GK: variants seen among roughly 807,000 people sequenced by gnomAD.
GK encodes the protein glycerol kinase, also known as ATP:glycerol 3-phosphotransferase.
Under a neutral mutation model 56.4 loss-of-function variants are expected in GK, and 9 were observed. The ratio of observed to expected loss-of-function variants is 0.16; its 90% confidence interval spans 0.10 to 0.28. The LOEUF (loss-of-function observed/expected upper bound fraction) is 0.28, where lower values mean the gene tolerates loss of function less well. Ranked by LOEUF, GK falls within the 10% of genes least tolerant of loss-of-function variation. The pLI is 1.00. For synonymous variants in GK, 104 were observed against 144.1 expected (o/e 0.72, Z 1.99); for missense variants, 161 against 431.4 (o/e 0.37, Z 5.55).
intron 8 of GK, 119 bp downstream of exon 8, chrX:30,696,802 C>T (rs1222119553): frequency 3.6e-6 from 2 of 557,763 alleles, no homozygotes; most frequent in African/African-American, 4.6e-5. Context: ...ATTCAAAAGT[C>T]AACTGTGTTA....
chrX:30,680,196 A>G (rs1456697812), intron 4 of GK, among the ~76,000 whole-genome samples: 1 of 111,852 alleles, frequency 8.9e-6, no homozygotes, highest in Non-Finnish European at 1.9e-5. Flanking sequence ...TAGCAGCGAT[A>G]ATAATACTCA....
intron 4 of GK, among the ~76,000 whole-genome samples, chrX:30,679,637 A>C (rs1328576295): frequency 9.0e-6 from 1 of 111,473 alleles, no homozygotes; most frequent in East Asian, 2.8e-4. Context: ...TGATGTTCTT[A>C]TTTACTTATT....
rs752900168 is a variant in GK, at chrX:30,675,519, C to CT, written c.260-1839dup. ...GCCACAGAAAATGATTTTTATTCTT[C>CT]TTTTTTTTTTTTTTTTTGAGACAGG... On this transcript the variant is annotated intron_variant, in intron 3 of 20. Transcript: ENST00000427190. 9.9e-3 allele frequency among the ~76,000 whole-genome samples: 896 copies of CT among 90,173 alleles called. 14 individuals are homozygous for CT. Among genetic ancestry groups the CT allele is most frequent in the African/African-American group, 0.03 (731 of 24,595 alleles). The allele number at this position is 90,173 out of a possible 115,157, so 78.3% of individuals were successfully genotyped here. A position where few individuals can be genotyped will look rare whatever the true frequency, so the allele number is the denominator to read the frequency against.
At chrX:30,669,793 TA>T (rs776763208) in intron 3 of GK, among the ~76,000 whole-genome samples, 3 of 109,545 alleles carry the variant, frequency 2.7e-5, no homozygotes, top group African/African-American at 9.9e-5. Context: ...AAAACTCACT[TA>T]AAAAAAAAGA....
chrX:30,723,168 G>A (rs1029328771), intron 18 of GK, among the ~76,000 whole-genome samples: 17 of 111,385 alleles, frequency 1.5e-4, no homozygotes, highest in Non-Finnish European at 2.3e-4. Context: ...AGCCGAGGCG[G>A]GCGGATCACG....
At chrX:30,724,204 T>C in intron 19 of GK, 23 bp downstream of exon 19, 1 of 944,949 alleles carries the variant, frequency 1.1e-6, no homozygotes, top group South Asian at 2.0e-5. Flanking sequence ...TTGTTTATTA[T>C]TGTCACATTT....
At chrX:30,720,825 G>T (rs1936860201) in intron 17 of GK, 27 bp from the exon 18 acceptor site, 1 of 1,210,794 alleles carries the variant, frequency 8.3e-7, no homozygotes, top group Non-Finnish European at 1.1e-6. Flanking sequence ...TAACCACAAA[G>T]ATATTGATGG....
intron 8 of GK, 86 bp from the exon 9 acceptor site, chrX:30,697,646 A>G: frequency 1.5e-6 from 1 of 685,965 alleles, no homozygotes; most frequent in East Asian, 3.2e-5. Flanking sequence ...GGATGGTTAG[A>G]AAAAAAAACG....
intron 1 of GK, among the ~76,000 whole-genome samples, chrX:30,657,133 G>A (rs1932356238): frequency 8.9e-6 from 1 of 112,921 alleles, no homozygotes; most frequent in South Asian, 3.6e-4. Flanking sequence ...ACAGGCGTCA[G>A]CCACCGTGCC....
At chrX:30,721,131 C>A in intron 18 of GK, 136 bp downstream of exon 18, 1 of 615,334 alleles carries the variant, frequency 1.6e-6, no homozygotes. Flanking sequence ...ATTCGGCTGC[C>A]AAGCATATTG....
At chrX:30,669,193 T>C (rs1327383470) in intron 3 of GK, among the ~76,000 whole-genome samples, 4 of 107,261 alleles carry the variant, frequency 3.7e-5, no homozygotes, top group Non-Finnish European at 5.8e-5. Context: ...GTTTTTTTTT[T>C]TTTTTTGAGA....
intron 4 of GK, chrX:30,677,971 T>C (rs1569150500): frequency 5.5e-6 from 3 of 544,796 alleles, no homozygotes; most frequent in African/African-American, 4.5e-5. Flanking sequence ...GAATTAACTC[T>C]CCCATGCTCT....
intron 9 of GK, chrX:30,700,128 G>A (rs1170732262): frequency 7.2e-6 from 2 of 277,160 alleles, no homozygotes; most frequent in Non-Finnish European, 1.3e-5. Context: ...GGTTTCAACA[G>A]CCTGCTAGTA....
intron 13 of GK, among the ~76,000 whole-genome samples, chrX:30,711,728 T>C (rs1401507540): frequency 8.9e-6 from 1 of 112,194 alleles, no homozygotes; most frequent in Non-Finnish European, 1.9e-5. Context: ...CTTTTTTGTA[T>C]TGTGAAATAT....
chrX:30,654,395 A>G (rs1000639740), intron 1 of GK, among the ~76,000 whole-genome samples: 2 of 112,557 alleles, frequency 1.8e-5, no homozygotes, highest in African/African-American at 6.5e-5. Flanking sequence ...ATTTTTGTGC[A>G]ATTAGTAAAC....
At chrX:30,665,114 G>A (rs1204882777) in intron 1 of GK, among the ~76,000 whole-genome samples, 1 of 111,674 alleles carries the variant, frequency 9.0e-6, no homozygotes, top group Non-Finnish European at 1.9e-5. Context: ...CTGTTTCCAC[G>A]TCCAAGATAA....
intron 3 of GK, among the ~76,000 whole-genome samples, chrX:30,670,532 A>G (rs1409455811): frequency 9.0e-6 from 1 of 110,900 alleles, no homozygotes; most frequent in Non-Finnish European, 1.9e-5. Context: ...CCATCTGTAC[A>G]ACTACCATCC....
intron 16 of GK, 127 bp from the exon 17 acceptor site, chrX:30,720,494 A>G: frequency 1.6e-6 from 1 of 634,636 alleles, no homozygotes; most frequent in Non-Finnish European, 2.6e-6. Context: ...GAAGACCAGA[A>G]TAAGAAGTCT....
chrX:30,712,717 CT>C (rs769269247), intron 13 of GK, among the ~76,000 whole-genome samples: 654 of 48,383 alleles, frequency 0.014, 4 homozygotes, highest in African/African-American at 0.056. Context: ...TTTTTCTTTT[CT>C]TTTTTTTTTT....
Sources: allele counts gnomAD v4.1 joint callset (sites outside exome capture counted in the v4.1 genomes callset), GRCh38; gene constraint gnomAD v4.1.1; transcripts MANE v1.5; gene names NCBI Gene and HGNC (gene_info 2026-07-23, HGNC 2026-07-21).